Variants in RNF185 observed in about 807,000 individuals in gnomAD.
RNF185 encodes the protein E3 ubiquitin-protein ligase RNF185.
In RNF185, 13 loss-of-function variants were observed where a neutral mutation model predicts 24.9. The ratio of observed to expected loss-of-function variants is 0.52; its 90% CI spans 0.34 to 0.83. RNF185 has a LOEUF of 0.83. RNF185 is among the 40% of genes least tolerant of loss of function. RNF185 has a pLI of 0.01. For missense variants in RNF185, 184 were observed against 244.7 expected (o/e 0.75, Z 1.65); for synonymous variants, 79 against 90.3 (o/e 0.88, Z 0.71).
chr22:31,166,187 C>T (rs551372005), intron 1 of RNF185, among the ~76,000 whole-genome samples: 9 of 152,070 alleles, frequency 5.9e-5, no homozygotes, highest in Non-Finnish European at 1.3e-4. Context: ...GATGGGGTTT[C>T]ATGATCTTGG....
At chr22:31,173,893 C>T (rs1312090775) in intron 1 of RNF185, among the ~76,000 whole-genome samples, 1 of 152,210 alleles carries the variant, frequency 6.6e-6, no homozygotes, top group Non-Finnish European at 1.5e-5. Context: ...GTCTCATCTA[C>T]TCTGCATTCA....
chr22:31,204,362 C>G, intron 6 of RNF185, 127 bp from the exon 7 acceptor site: 6 of 609,138 alleles, frequency 9.8e-6, no homozygotes, highest in Admixed American at 2.6e-5. Context: ...AAAAAGAAAT[C>G]TTTTTGTGTG....
intron 5 of RNF185, 80 bp from the exon 6 acceptor site, chr22:31,201,418 C>A (rs2048261978): frequency 1.0e-6 from 1 of 996,986 alleles, no homozygotes; most frequent in Non-Finnish European, 1.6e-6. Flanking sequence ...TGCAAGACAA[C>A]GTGAGGTATG....
At chr22:31,168,744 T>C (rs557658057) in intron 1 of RNF185, among the ~76,000 whole-genome samples, 1 of 152,342 alleles carries the variant, frequency 6.6e-6, no homozygotes, top group South Asian at 2.1e-4. Context: ...TCTGGTGTTA[T>C]AAAAATAGTA....
At chr22:31,171,001 C>G (rs977397378) in intron 1 of RNF185, among the ~76,000 whole-genome samples, 7 of 151,838 alleles carry the variant, frequency 4.6e-5, no homozygotes, top group Admixed American at 6.6e-5. Context: ...GGAGTGGATC[C>G]TGGGCAAAGC....
At chr22:31,200,356 C>CA (rs1036052301) in intron 5 of RNF185, among the ~76,000 whole-genome samples, 26 of 149,182 alleles carry the variant, frequency 1.7e-4, no homozygotes, top group South Asian at 4.2e-4. Context: ...GACCCTGTCT[C>CA]AAAAAAAAAG....
Position 31,196,966 on chromosome 22 carries a change from G to A in RNF185, c.339G>A (p.Gln113=), listed in dbSNP as rs1353516923. The change falls in exon 5 of 7, where the codon CAG becomes CAA. Residue 113 remains glutamine, a synonymous_variant. Transcript: ENST00000326132. The stretch of plus-strand genomic sequence containing the variant: ...AGACCCCTCCTCGTCCTCAAGGACA[G>A]AGGCCAGAGCCGGAGAATAGAGGGG... ...REKTPPRPQG[Q]RPEPENRGGF... 3.1e-6 allele frequency: 5 copies of A among 1,613,074 alleles called. No individual in the cohort carries two copies. In the South Asian group the frequency reaches 4.4e-5, roughly 14 times the overall value.
intron 3 of RNF185, 62 bp downstream of exon 3, chr22:31,192,764 T>A: frequency 1.3e-6 from 2 of 1,505,806 alleles, no homozygotes; most frequent in Non-Finnish European, 9.2e-7. Flanking sequence ...AGAGCCCTAG[T>A]CTCAGGAGAC....
chr22:31,198,704 CTTTTTT>C (rs1196076379), intron 5 of RNF185, among the ~76,000 whole-genome samples: 8 of 69,658 alleles, frequency 1.1e-4, no homozygotes, highest in Admixed American at 3.2e-4. Context: ...CTGCCACTTT[CTTTTTT>C]TTTTTTTTTT....
intron 6 of RNF185, among the ~76,000 whole-genome samples, chr22:31,203,564 T>C (rs555537727): frequency 1.2e-4 from 19 of 152,330 alleles, no homozygotes; most frequent in African/African-American, 4.3e-4. Context: ...ACTTAGCAGA[T>C]AGAAGATACT....
At chr22:31,178,511 G>A (rs2048004524) in intron 1 of RNF185, among the ~76,000 whole-genome samples, 1 of 152,138 alleles carries the variant, frequency 6.6e-6, no homozygotes, top group Non-Finnish European at 1.5e-5. Context: ...ATCTCTGAAG[G>A]GATCTGGGAA....
At position 31,204,620 on chromosome 22, in the gene RNF185, C is replaced by G. The variant is rs1456544839; in HGVS notation, c.*34C>G. On this transcript the variant is annotated 3_prime_UTR_variant, in exon 7 of 7. Coordinates refer to ENST00000326132, the MANE Select transcript of RNF185 (RefSeq NM_152267.4). Reference sequence around the variant, plus strand: ...TCCTGCCTACATCCGTGGCAGGGCTCTGGACTGGTGACGTGCCACCCCAAC... The same window carrying G: ...TCCTGCCTACATCCGTGGCAGGGCTGTGGACTGGTGACGTGCCACCCCAAC... 2 of 1,445,548 alleles carry G rather than the reference C, an allele frequency of 1.4e-6. No individual in the cohort carries two copies. Among genetic ancestry groups the G allele is most frequent in the African/African-American group, 2.8e-5 (2 of 71,496 alleles). The allele number at this position is 1,445,548 out of a possible 1,614,324, so 89.5% of individuals were successfully genotyped here.
At position 31,167,495 on chromosome 22, in the gene RNF185, C is replaced by T. The variant is rs1829422048; in HGVS notation, c.-49+7192C>T. 7.9e-5 allele frequency among the ~76,000 whole-genome samples: 12 copies of T among 152,166 alleles called. No homozygotes were observed. The South Asian group carries it at 2.5e-3, about 32-fold the overall frequency. On this transcript the variant is annotated intron_variant, in intron 1 of 6. Coordinates refer to ENST00000326132, the MANE Select transcript of RNF185 (RefSeq NM_152267.4). ...TCTCCTCCCCCCAGCTCCTGGTAAC[C>T]TCTGATCCACTTTCTATCTGTATGA...
At chr22:31,168,919 T>G (rs909303800) in intron 1 of RNF185, among the ~76,000 whole-genome samples, 5 of 152,038 alleles carry the variant, frequency 3.3e-5, no homozygotes, top group Admixed American at 6.6e-5. Flanking sequence ...CTTTAAAAAT[T>G]TTTTTTGAGA....
At chr22:31,190,390 G>A (rs1233520633) in intron 2 of RNF185, among the ~76,000 whole-genome samples, 4 of 151,986 alleles carry the variant, frequency 2.6e-5, no homozygotes, top group African/African-American at 9.7e-5. Flanking sequence ...AGGTTCAAAC[G>A]ATTCTCCTGC....
chr22:31,187,409 A>C, intron 2 of RNF185, 139 bp downstream of exon 2: 1 of 885,268 alleles, frequency 1.1e-6, no homozygotes. Context: ...CTGAGTTCCC[A>C]TCCCAGCTCT....
At chr22:31,176,577 C>T (rs1000789033) in intron 1 of RNF185, among the ~76,000 whole-genome samples, 10 of 151,732 alleles carry the variant, frequency 6.6e-5, no homozygotes, top group South Asian at 4.2e-4. Flanking sequence ...TAAGCTCCGC[C>T]TCCCAGGTTC....
chr22:31,172,560 C>A (rs2047940747), intron 1 of RNF185, among the ~76,000 whole-genome samples: 1 of 152,004 alleles, frequency 6.6e-6, no homozygotes, highest in Admixed American at 6.6e-5. Context: ...ACCAGCCTGG[C>A]CAACAAGGTG....
At chr22:31,189,606 ATT>A (rs760179955) in intron 2 of RNF185, among the ~76,000 whole-genome samples, 38 of 124,772 alleles carry the variant, frequency 3.0e-4, no homozygotes, top group East Asian at 4.8e-4. Context: ...CCTGTGTCAA[ATT>A]TTTTTTTTTT....
Sources: allele counts gnomAD v4.1 joint callset (sites outside exome capture counted in the v4.1 genomes callset), GRCh38; gene constraint gnomAD v4.1.1; transcripts MANE v1.5; gene names NCBI Gene and HGNC (gene_info 2026-07-23, HGNC 2026-07-21).